PTPN13: variants seen among roughly 807,000 people sequenced by gnomAD.
PTPN13 encodes protein tyrosine phosphatase non-receptor type 13, also known as tyrosine-protein phosphatase non-receptor type 13.
PTPN13 carries 191 observed loss-of-function variants against 284.0 expected under a neutral mutation model. That is an observed-to-expected ratio of 0.67 (90% CI 0.60 to 0.76). PTPN13 has a LOEUF of 0.76. Ranked by LOEUF, PTPN13 falls within the 30% of genes least tolerant of loss-of-function variation. PTPN13 has a pLI of 0.00. For synonymous variants in PTPN13, 986 were observed against 1,022.3 expected, an observed-to-expected ratio of 0.96 and a Z score of 0.68; for missense variants, 2,797 against 2,939.9, an observed-to-expected ratio of 0.95 and a Z score of 1.12.
chr4:86,639,554 C>T lies in PTPN13; in HGVS notation c.115+4183C>T, dbSNP rs542518527. Among the ~76,000 whole-genome samples, 9 of 152,080 alleles carry T rather than the reference C, an allele frequency of 5.9e-5. No homozygotes were observed. In the East Asian group the frequency reaches 1.7e-3, roughly 29 times the overall value. On this transcript the variant is annotated intron_variant, in intron 2 of 47. Coordinates refer to ENST00000411767, the MANE Select transcript of PTPN13 (RefSeq NM_080683.3). Reference sequence around the variant, plus strand: ...GGACATGGATGAAATTGGAAATCATCATTCTCAGCAAACTATCGCAAGGAC... The same window carrying T: ...GGACATGGATGAAATTGGAAATCATTATTCTCAGCAAACTATCGCAAGGAC...
intron 23 of PTPN13, among the ~76,000 whole-genome samples, chr4:86,759,445 C>G (rs1173611389): frequency 6.6e-6 from 1 of 152,162 alleles, no homozygotes; most frequent in Non-Finnish European, 1.5e-5. Context: ...TGAGCTTTGC[C>G]TGTGCCTTTT....
chr4:86,662,302 A>T (rs1726586917), intron 2 of PTPN13, among the ~76,000 whole-genome samples: 1 of 152,078 alleles, frequency 6.6e-6, no homozygotes, highest in South Asian at 2.1e-4. Context: ...GTCAAATAAG[A>T]TATGATTGTT....
chr4:86,595,469 CA>C (rs1410154151), intron 1 of PTPN13, among the ~76,000 whole-genome samples: 1 of 152,078 alleles, frequency 6.6e-6, no homozygotes, highest in Non-Finnish European at 1.5e-5. Context: ...AAAATTCTTA[CA>C]AAGTTTAATT....
At chr4:86,770,400 AATTT>A (rs1451284285) in intron 30 of PTPN13, among the ~76,000 whole-genome samples, 1 of 152,104 alleles carries the variant, frequency 6.6e-6, no homozygotes, top group African/African-American at 2.4e-5. Flanking sequence ...TAATTTATTC[AATTT>A]ATTTAACTAG....
At chr4:86,631,151 A>G (rs1722424577) in intron 1 of PTPN13, among the ~76,000 whole-genome samples, 1 of 152,186 alleles carries the variant, frequency 6.6e-6, no homozygotes, top group East Asian at 1.9e-4. Flanking sequence ...CGTCTGTTAT[A>G]TATCTGTACT....
intron 3 of PTPN13, among the ~76,000 whole-genome samples, chr4:86,683,413 G>A (rs1446358637): frequency 6.6e-6 from 1 of 152,208 alleles, no homozygotes; most frequent in South Asian, 2.1e-4. Flanking sequence ...GGAAAACACT[G>A]ATGTTCCAGT....
intron 43 of PTPN13, among the ~76,000 whole-genome samples, chr4:86,804,117 A>G (rs1345337266): frequency 6.6e-6 from 1 of 151,872 alleles, no homozygotes; most frequent in Non-Finnish European, 1.5e-5. Flanking sequence ...TAAGGTAAAA[A>G]TGTTTAAAAA....
In PTPN13 at chr4:86,712,553, C is replaced by T. The variant is rs138538703; in HGVS notation, c.1196-3977C>T. 2.1e-4 allele frequency among the ~76,000 whole-genome samples: 32 copies of T among 152,094 alleles called. No homozygotes were observed. The East Asian group carries it at 5.2e-3, about 25-fold the overall frequency. On this transcript the variant is annotated intron_variant, in intron 7 of 47. Transcript: ENST00000411767. ...AAGCTCACAAAAAAGATTCTTACTA[C>T]TTCAGTTAACATAGATACACCCACC...
At chr4:86,797,138 C>A (rs571544504) in intron 41 of PTPN13, among the ~76,000 whole-genome samples, 1 of 152,186 alleles carries the variant, frequency 6.6e-6, no homozygotes, top group East Asian at 1.9e-4. Context: ...GCGGGCAGAT[C>A]ACTTGAGGTC....
rs1565620845 is a variant in PTPN13, at chr4:86,803,742, T to A, written c.6539T>A (p.Val2180Glu). ...HSFLTNDELA[V>E]LPVVKVLPSG... ...TTTCTGACAAACGATGAGCTCGCTG[T>A]ACTCCCTGTCGTCAAAGTGCTTCCC... Residue 2180 changes from valine (V) to glutamate (E), a missense_variant, in exon 43 of 48, where the codon GTA (valine) becomes GAA (glutamate). Val to Glu is a moderately radical substitution (Grantham distance 121). Coordinates refer to ENST00000411767, the MANE Select transcript of PTPN13 (RefSeq NM_080683.3). 1.2e-6 allele frequency: 2 copies of A among 1,613,924 alleles called. No individual in the cohort carries two copies. Among genetic ancestry groups the A allele is most frequent in the South Asian group, 2.2e-5 (2 of 91,072 alleles).
intron 45 of PTPN13, 40 bp downstream of exon 45, chr4:86,807,937 C>T (rs779964952): frequency 1.3e-6 from 2 of 1,531,878 alleles, no homozygotes; most frequent in Admixed American, 3.7e-5. Flanking sequence ...AGGTGTATCT[C>T]CTAGTTGTAA....
At chr4:86,741,605 A>G (rs757101704) in intron 15 of PTPN13, 29 bp from the exon 16 acceptor site, 3 of 1,575,360 alleles carry the variant, frequency 1.9e-6, no homozygotes, top group South Asian at 1.1e-5. Flanking sequence ...ACCAAAGTGT[A>G]TTGCTATGGT....
chr4:86,719,556 G>A (rs966569495), intron 9 of PTPN13, among the ~76,000 whole-genome samples: 10 of 152,096 alleles, frequency 6.6e-5, no homozygotes, highest in Non-Finnish European at 1.0e-4. Context: ...TCTCCATATC[G>A]TTTTCCACAA....
chr4:86,750,935 T>G, intron 18 of PTPN13, 48 bp downstream of exon 18: 1 of 1,579,032 alleles, frequency 6.3e-7, no homozygotes, highest in South Asian at 1.2e-5. Flanking sequence ...AATTCTACAT[T>G]TCATACGTTT....
At chr4:86,623,748 A>T (rs1429767326) in intron 1 of PTPN13, among the ~76,000 whole-genome samples, 1 of 151,902 alleles carries the variant, frequency 6.6e-6, no homozygotes, top group Non-Finnish European at 1.5e-5. Context: ...TGCACATCTC[A>T]CTCTCTCACC....
intron 5 of PTPN13, among the ~76,000 whole-genome samples, chr4:86,693,336 T>C (rs1251448248): frequency 6.6e-6 from 1 of 152,216 alleles, no homozygotes; most frequent in Non-Finnish European, 1.5e-5. Context: ...TGGTATTTTC[T>C]AGTTAGTAGG....
rs1373518543 is a variant in PTPN13, at chr4:86,635,268, A to G, written c.12A>G (p.Ser4=). MHV[S]LAEALEVRGG... ...GTTTCCCAGGTAATATGCACGTGTC[A>G]CTAGCTGAGGCCCTGGAGGTTCGGG... is the stretch of plus-strand genomic sequence containing the variant. Residue 4 remains serine (S), a synonymous_variant, in exon 2 of 48, where the codon TCA becomes TCG. Coordinates refer to ENST00000411767, the MANE Select transcript of PTPN13 (RefSeq NM_080683.3). 1.9e-6 allele frequency: 3 copies of G among 1,601,934 alleles called. No homozygotes were observed.
chr4:86,761,139 A>AATATACATATATATAT (rs1738624346), intron 23 of PTPN13, among the ~76,000 whole-genome samples: 1 of 120,694 alleles, frequency 8.3e-6, no homozygotes, highest in African/African-American at 3.2e-5. Flanking sequence ...TGTGTGTGTA[A>AATATACATATATATAT]ATATATATAT....
chr4:86,773,029 C>T, intron 32 of PTPN13, 71 bp downstream of exon 32: 1 of 1,179,110 alleles, frequency 8.5e-7, no homozygotes, highest in Non-Finnish European at 1.1e-6. Flanking sequence ...TAAAGTTTCC[C>T]TTTAGGGAAA....
Sources: allele counts gnomAD v4.1 joint callset (sites outside exome capture counted in the v4.1 genomes callset), GRCh38; gene constraint gnomAD v4.1.1; transcripts MANE v1.5; gene names NCBI Gene and HGNC (gene_info 2026-07-23, HGNC 2026-07-21).